The following LIN7A variants were observed in gnomAD, a reference collection of about 807,000 sequenced individuals.
LIN7A encodes the protein lin-7 cell polarity scaffold A, also known as protein lin-7 homolog A.
A neutral mutation model predicts 29.8 loss-of-function variants in LIN7A; 25 were observed. That is an observed-to-expected ratio of 0.84 (90% CI 0.61 to 1.17). The LOEUF (loss-of-function observed/expected upper bound fraction) is 1.17, where lower values mean the gene tolerates loss of function less well. Among genes scored for constraint, LIN7A ranks in the 50% most tolerant of loss-of-function variants. LIN7A has a pLI of 0.00. For synonymous variants in LIN7A, 118 were observed against 107.5 expected (o/e 1.10, Z -0.60); for missense variants, 239 against 287.0 (o/e 0.83, Z 1.21).
At chr12:80,887,294 A>G (rs541336757) in intron 2 of LIN7A, among the ~76,000 whole-genome samples, 1 of 151,994 alleles carries the variant, frequency 6.6e-6, no homozygotes, top group Non-Finnish European at 1.5e-5. Context: ...CTACTTTTTC[A>G]CTAGTCTCTC....
chr12:80,814,651 A>T (rs1027389), intron 4 of LIN7A, among the ~76,000 whole-genome samples: 14,941 of 151,826 alleles, frequency 0.098, 800 homozygotes, highest in East Asian at 0.19. Context: ...TTGAGAGAAA[A>T]ACGGCTGGCT....
chr12:80,867,880 A>G (rs1362434011), intron 2 of LIN7A, among the ~76,000 whole-genome samples: 1 of 152,222 alleles, frequency 6.6e-6, no homozygotes, highest in Admixed American at 6.5e-5. Flanking sequence ...TCTCCTTAAT[A>G]CACAGAAATG....
chr12:80,898,862 T>G (rs1876047689), intron 1 of LIN7A, among the ~76,000 whole-genome samples: 1 of 152,222 alleles, frequency 6.6e-6, no homozygotes. Flanking sequence ...TGAAGTTGTT[T>G]ATCAGATCAA....
intron 1 of LIN7A, among the ~76,000 whole-genome samples, chr12:80,894,150 G>A (rs1310266776): frequency 1.3e-5 from 2 of 152,212 alleles, no homozygotes; most frequent in Non-Finnish European, 2.9e-5. Flanking sequence ...GGAATAAAGT[G>A]TGTGTAGTTT....
At chr12:80,895,998 C>T (rs1161631750) in intron 1 of LIN7A, among the ~76,000 whole-genome samples, 4 of 152,196 alleles carry the variant, frequency 2.6e-5, no homozygotes, top group Non-Finnish European at 5.9e-5. Flanking sequence ...TACAAGCTAG[C>T]TGCCAGGAGA....
Position 80,937,930 on chromosome 12 carries a change from C to T in LIN7A, c.-208G>A, listed in dbSNP as rs962060711. On this transcript the variant is annotated 5_prime_UTR_variant, in exon 1 of 6. Coordinates refer to ENST00000552864, the MANE Select transcript of LIN7A (RefSeq NM_004664.4). ...GCGGAGCTGAGCAGGTATCCGAGAG[C>T]GACTGCATCGCCGGGCTCTGGGAGG... 1.9e-5 allele frequency: 8 copies of T among 426,796 alleles called. No individual in the cohort carries two copies. The highest frequency in any genetic ancestry group is 1.0e-4 in the African/African-American group (5 of 49,016). The allele number at this position is 426,796 out of a possible 1,614,324, so 26.4% of individuals were successfully genotyped here.
intron 1 of LIN7A, among the ~76,000 whole-genome samples, chr12:80,896,081 A>G (rs1163665): frequency 0.68 from 103,231 of 152,110 alleles, 39,074 homozygotes; most frequent in Non-Finnish European, 0.87. Context: ...GGAATAACCT[A>G]TAGTGGTCTT....
chr12:80,888,735 G>A (rs1013415790), intron 2 of LIN7A, among the ~76,000 whole-genome samples: 2 of 152,222 alleles, frequency 1.3e-5, no homozygotes, highest in Middle Eastern at 3.4e-3. Context: ...CAACATACTT[G>A]TTTCACCTTA....
intron 1 of LIN7A, among the ~76,000 whole-genome samples, chr12:80,918,941 C>T (rs1251867215): frequency 1.3e-5 from 2 of 152,182 alleles, no homozygotes; most frequent in Non-Finnish European, 2.9e-5. Flanking sequence ...ATCGTTGTGT[C>T]ACAACTGCCC....
intron 2 of LIN7A, among the ~76,000 whole-genome samples, chr12:80,877,597 C>A: frequency 6.6e-6 from 1 of 150,882 alleles, no homozygotes; most frequent in Admixed American, 6.6e-5. Flanking sequence ...CCCTATGAGA[C>A]AAAAAAAGGA....
intron 1 of LIN7A, among the ~76,000 whole-genome samples, chr12:80,932,403 G>A (rs769998906): frequency 3.9e-5 from 6 of 152,232 alleles, no homozygotes; most frequent in Admixed American, 2.6e-4. Flanking sequence ...TTTAAATTAC[G>A]ACTTATTTTA....
At chr12:80,807,062 A>AGTTTTTTTTT (rs1555221316) in intron 5 of LIN7A, among the ~76,000 whole-genome samples, 25 of 32,298 alleles carry the variant, frequency 7.7e-4, no homozygotes, top group East Asian at 1.8e-3. Flanking sequence ...ATGAAGATGG[A>AGTTTTTTTTT]GTTTTTTTTT....
At chr12:80,880,062 T>C (rs565745531) in intron 2 of LIN7A, among the ~76,000 whole-genome samples, 1 of 152,356 alleles carries the variant, frequency 6.6e-6, no homozygotes, top group South Asian at 2.1e-4. Context: ...TACAGATGTT[T>C]GTAGATCTTC....
At chr12:80,859,672 A>T in intron 2 of LIN7A, among the ~76,000 whole-genome samples, 1 of 152,132 alleles carries the variant, frequency 6.6e-6, no homozygotes, top group Non-Finnish European at 1.5e-5. Context: ...TTTTAAATGG[A>T]TTATATTTAG....
At chr12:80,891,544 T>C (rs1310991737) in intron 1 of LIN7A, among the ~76,000 whole-genome samples, 1 of 152,184 alleles carries the variant, frequency 6.6e-6, no homozygotes, top group Non-Finnish European at 1.5e-5. Context: ...GCAGTAGTGC[T>C]AGCCCTGGGC....
At chr12:80,846,338 G>C (rs909325703) in intron 3 of LIN7A, among the ~76,000 whole-genome samples, 3 of 152,118 alleles carry the variant, frequency 2.0e-5, no homozygotes, top group Admixed American at 1.3e-4. Context: ...ATGGCGTCTT[G>C]CACTCTTTTG....
intron 2 of LIN7A, among the ~76,000 whole-genome samples, chr12:80,861,785 C>A (rs1170567703): frequency 6.6e-6 from 1 of 152,218 alleles, no homozygotes; most frequent in Non-Finnish European, 1.5e-5. Context: ...TAAAACCAAT[C>A]TAAGCAATTA....
intron 1 of LIN7A, among the ~76,000 whole-genome samples, chr12:80,922,055 C>T (rs1039533169): frequency 1.4e-4 from 22 of 152,218 alleles, no homozygotes; most frequent in Middle Eastern, 3.4e-3. Flanking sequence ...AGAAAACATG[C>T]GCTGTAATGA....
chr12:80,836,771 T>C (rs181430802), intron 4 of LIN7A, among the ~76,000 whole-genome samples: 1 of 152,302 alleles, frequency 6.6e-6, no homozygotes, highest in East Asian at 1.9e-4. Context: ...CAGTGTTTAA[T>C]TATGAGGCCA....
Sources: gnomAD v4.1 joint callset for allele counts (sites outside exome capture counted in the v4.1 genomes callset) on GRCh38, gnomAD v4.1.1 for gene constraint, MANE v1.5 for transcripts, NCBI Gene and HGNC (gene_info 2026-07-23, HGNC 2026-07-21) for gene names.